The following PVT1 variants were observed in gnomAD, a reference collection of about 807,000 sequenced individuals.
PVT1 encodes Pvt1 oncogene, also known as CXCR4/PVT1 fusion.
In PVT1 at chr8:128,093,874, G is replaced by A. The variant is rs557991474; in HGVS notation, n.1115-2644G>A. On this transcript the variant is annotated intron_variant and non_coding_transcript_variant, in intron 5 of 10. Coordinates refer to ENST00000651587, the Ensembl canonical transcript of PVT1. ...GGTGGTCTCAAACTCCTGACCTCGT[G>A]ATCTGCCCGCCTCAGCTTCCTAAAG... is the stretch of plus-strand genomic sequence containing the variant. Among the ~76,000 whole-genome samples, 3 of 152,288 alleles carry A rather than the reference G, an allele frequency of 2.0e-5. No homozygotes were observed. In the East Asian group the frequency reaches 5.8e-4, roughly 29 times the overall value.
rs117890885 is a variant in PVT1, at chr8:128,035,164, C to T, written n.913-34996C>T. On this transcript the variant is annotated intron_variant and non_coding_transcript_variant, in intron 4 of 10. Transcript: ENST00000651587. The stretch of plus-strand genomic sequence containing the variant: ...GAAAAGTGCCTTCACCAGGGCACAG[C>T]AGTAAACCTGTTGGCTACTCTAGTC... Among the ~76,000 whole-genome samples, 695 of 152,324 alleles carry T rather than the reference C, an allele frequency of 4.6e-3. 4 individuals carry two copies. Among genetic ancestry groups the T allele is most frequent in the Non-Finnish European group, 7.0e-3 (475 of 68,034 alleles).
intron 3 of PVT1, among the ~76,000 whole-genome samples, chr8:127,955,458 T>C (rs1315427850): frequency 6.6e-6 from 1 of 152,194 alleles, no homozygotes; most frequent in East Asian, 1.9e-4. Context: ...GGGAAATATA[T>C]TAATTTTCAT....
chr8:127,979,721 C>T (rs1398144953), intron 3 of PVT1, among the ~76,000 whole-genome samples: 1 of 152,190 alleles, frequency 6.6e-6, no homozygotes, highest in East Asian at 1.9e-4. Context: ...GTGCCCCCGA[C>T]CCCACCACCC....
chr8:127,807,574 A>C (rs1283972443), intron 2 of PVT1, among the ~76,000 whole-genome samples: 1 of 152,094 alleles, frequency 6.6e-6, no homozygotes, highest in Non-Finnish European at 1.5e-5. Flanking sequence ...CCTCCTGCCC[A>C]GTTCTCCCAA....
intron 3 of PVT1, among the ~76,000 whole-genome samples, chr8:127,965,460 A>G (rs1237225220): frequency 6.6e-6 from 1 of 152,170 alleles, no homozygotes; most frequent in Non-Finnish European, 1.5e-5. Context: ...TGCTCACTCT[A>G]AGGCTTGCTG....
intron 4 of PVT1, among the ~76,000 whole-genome samples, chr8:128,018,552 T>C (rs183682859): frequency 1.3e-5 from 2 of 152,288 alleles, no homozygotes; most frequent in Admixed American, 1.3e-4. Flanking sequence ...GGGAGATAGG[T>C]ACCGAAACGT....
At chr8:128,058,623 G>A (rs765129043) in intron 4 of PVT1, among the ~76,000 whole-genome samples, 18 of 152,106 alleles carry the variant, frequency 1.2e-4, no homozygotes, top group South Asian at 4.1e-4. Context: ...TTCAACTTTG[G>A]CACTATTATA....
intron 4 of PVT1, among the ~76,000 whole-genome samples, chr8:128,038,837 G>A (rs1813494862): frequency 6.6e-6 from 1 of 152,132 alleles, no homozygotes. Context: ...AAAGCACCCT[G>A]CTGAGAGCTG....
chr8:128,021,324 A>C (rs897576389), intron 4 of PVT1, among the ~76,000 whole-genome samples: 6 of 110,610 alleles, frequency 5.4e-5, no homozygotes, highest in South Asian at 5.8e-4. Context: ...GACGGAGTCT[A>C]GCTCTGTTGC....
At chr8:127,873,469 C>T (rs899286454) in intron 2 of PVT1, among the ~76,000 whole-genome samples, 5 of 152,188 alleles carry the variant, frequency 3.3e-5, no homozygotes, top group African/African-American at 9.7e-5. Context: ...CTTTCACTTT[C>T]ACGTATTGAG....
chr8:128,075,245 T>G (rs535366122), intron 5 of PVT1, among the ~76,000 whole-genome samples: 2 of 152,328 alleles, frequency 1.3e-5, no homozygotes, highest in South Asian at 2.1e-4. Flanking sequence ...TACTCTGCTC[T>G]GATTTCTTCA....
At chr8:128,017,847 T>C (rs1471312642) in intron 4 of PVT1, among the ~76,000 whole-genome samples, 1 of 152,164 alleles carries the variant, frequency 6.6e-6, no homozygotes, top group Non-Finnish European at 1.5e-5. Context: ...GGGCTCTCAC[T>C]CCTTGTGTCG....
intron 4 of PVT1, among the ~76,000 whole-genome samples, chr8:128,004,148 G>A (rs1368450925): frequency 1.3e-5 from 2 of 152,112 alleles, no homozygotes; most frequent in Non-Finnish European, 2.9e-5. Flanking sequence ...TTAGGGGTTG[G>A]GACTTCAACA....
intron 4 of PVT1, among the ~76,000 whole-genome samples, chr8:128,005,098 C>G (rs1817230128): frequency 6.6e-6 from 1 of 151,854 alleles, no homozygotes; most frequent in South Asian, 2.1e-4. Context: ...GGAGATCACA[C>G]CATTGCACTC....
intron 3 of PVT1, among the ~76,000 whole-genome samples, chr8:127,938,112 C>A (rs11782183): frequency 0.34 from 51,488 of 151,904 alleles, 9,004 homozygotes; most frequent in East Asian, 0.54. Flanking sequence ...AGGAGCATAG[C>A]CATCTGGAGA....
chr8:127,804,562 A>G (rs969089055), intron 2 of PVT1, among the ~76,000 whole-genome samples: 3 of 123,260 alleles, frequency 2.4e-5, no homozygotes, highest in African/African-American at 3.4e-5. Flanking sequence ...TTTTTTTGAG[A>G]CAGCATCTCA....
intron 3 of PVT1, among the ~76,000 whole-genome samples, chr8:127,929,382 A>G (rs1281274688): frequency 6.6e-6 from 1 of 152,244 alleles, no homozygotes; most frequent in East Asian, 1.9e-4. Context: ...GTGGGTTGTC[A>G]TCACAGTTGA....
intron 4 of PVT1, among the ~76,000 whole-genome samples, chr8:128,039,030 C>G (rs1813498639): frequency 6.6e-6 from 1 of 152,176 alleles, no homozygotes; most frequent in South Asian, 2.1e-4. Flanking sequence ...AGGGACGGAT[C>G]AGCTCCATTT....
intron 3 of PVT1, among the ~76,000 whole-genome samples, chr8:127,928,660 A>T (rs928637203): frequency 6.6e-6 from 1 of 152,202 alleles, no homozygotes; most frequent in Non-Finnish European, 1.5e-5. Flanking sequence ...GGGGGTGGCA[A>T]CTGGTTGTTT....
Sources: gnomAD v4.1 joint callset for allele counts (sites outside exome capture counted in the v4.1 genomes callset) on GRCh38, gnomAD v4.1.1 for gene constraint, MANE v1.5 for transcripts, NCBI Gene and HGNC (gene_info 2026-07-23, HGNC 2026-07-21) for gene names.